Variants in SLC25A12 observed in about 807,000 individuals in gnomAD.
SLC25A12 encodes the protein solute carrier family 25 member 12, also known as electrogenic aspartate/glutamate antiporter SLC25A12, mitochondrial.
Under a neutral mutation model 83.3 loss-of-function variants are expected in SLC25A12, and 32 were observed. The observed-to-expected ratio is 0.38, with a 90% CI of 0.29 to 0.52. SLC25A12 has a LOEUF of 0.52. Among genes scored for constraint, SLC25A12 ranks in the 20% least tolerant of loss-of-function variants. The pLI, the probability that SLC25A12 is intolerant of heterozygous loss-of-function variation, is 0.84. For synonymous variants in SLC25A12, 267 were observed against 291.1 expected (o/e 0.92, Z 0.84); for missense variants, 611 against 835.6 (o/e 0.73, Z 3.31).
At chr2:171,790,606 C>A (rs1683432882) in intron 15 of SLC25A12, among the ~76,000 whole-genome samples, 1 of 152,158 alleles carries the variant, frequency 6.6e-6, no homozygotes, top group South Asian at 2.1e-4. Flanking sequence ...TTACACTGGC[C>A]ACGTAGGAAA....
intron 5 of SLC25A12, 86 bp from the exon 6 acceptor site, chr2:171,837,353 T>G: frequency 7.3e-7 from 1 of 1,364,728 alleles, no homozygotes; most frequent in Non-Finnish European, 1.0e-6. Context: ...ACAGATATCC[T>G]TCCCACACAT....
chr2:171,826,544 G>C (rs1053401094), intron 9 of SLC25A12, among the ~76,000 whole-genome samples: 3 of 152,158 alleles, frequency 2.0e-5, no homozygotes, highest in African/African-American at 7.2e-5. Flanking sequence ...AGAAGGCAGA[G>C]GTTGCAGTAA....
At chr2:171,883,862 TTTTTG>T (rs1351074268) in intron 2 of SLC25A12, among the ~76,000 whole-genome samples, 6 of 152,104 alleles carry the variant, frequency 3.9e-5, no homozygotes, top group South Asian at 4.2e-4. Flanking sequence ...TTTGTTTTGT[TTTTTG>T]TTTTGTTTTA....
At chr2:171,832,746 T>C (rs1380680330) in intron 8 of SLC25A12, among the ~76,000 whole-genome samples, 2 of 152,234 alleles carry the variant, frequency 1.3e-5, no homozygotes, top group African/African-American at 4.8e-5. Flanking sequence ...TGGAAGACAC[T>C]GCCCAAAGTA....
At chr2:171,855,559 C>G (rs779019782) in intron 4 of SLC25A12, among the ~76,000 whole-genome samples, 1 of 146,360 alleles carries the variant, frequency 6.8e-6, no homozygotes, top group Non-Finnish European at 1.5e-5. Flanking sequence ...CAGGCTGGCC[C>G]AGAACAAGAA....
chr2:171,789,463 C>T lies in SLC25A12; in HGVS notation c.1586-1516G>A, dbSNP rs572081946. On this transcript the variant is annotated intron_variant, in intron 15 of 17. Coordinates refer to ENST00000422440, the MANE Select transcript of SLC25A12 (RefSeq NM_003705.5). The stretch of plus-strand genomic sequence containing the variant: ...CAGGATGGTCTCGATCTCCTGACCT[C>T]GTGATCTGCCCGCCTTGGCCTCCCA... 8.5e-5 allele frequency among the ~76,000 whole-genome samples: 13 copies of T among 152,192 alleles called. No homozygotes were observed. The East Asian group carries it at 1.4e-3, about 16-fold the overall frequency.
In SLC25A12 at chr2:171,815,204, T is replaced by C; in HGVS notation, c.931-2A>G. ...AGGCCTGCCTAACCCAGGAGACTGC[T>C]GCAGAGAAGAAAACGGGTAAAAAAA... On this transcript the variant is annotated splice_acceptor_variant, in intron 9 of 17. Transcript: ENST00000422440. LOFTEE classifies it high-confidence loss of function. 1 of 1,611,414 alleles carries C rather than the reference T, an allele frequency of 6.2e-7. No individual in the cohort carries two copies. Among genetic ancestry groups the C allele is most frequent in the Non-Finnish European group, 8.5e-7 (1 of 1,177,778 alleles).
In SLC25A12 at chr2:171,874,660, G is replaced by A. The variant is rs573498864; in HGVS notation, c.67-5837C>T. On this transcript the variant is annotated intron_variant, in intron 2 of 17. Transcript: ENST00000422440. ...AAAAACACAAACACACAATACAAGC[G>A]TTCTGTATGGCATCTACTTCATAGA... Among the ~76,000 whole-genome samples, 6 of 152,186 alleles carry A rather than the reference G, an allele frequency of 3.9e-5. No homozygotes were observed. The East Asian group carries it at 9.6e-4, about 24-fold the overall frequency.
chr2:171,787,436 T>G, intron 17 of SLC25A12, 135 bp downstream of exon 17: 1 of 796,210 alleles, frequency 1.3e-6, no homozygotes, highest in Non-Finnish European at 2.3e-6. Flanking sequence ...TTAAGCTCAC[T>G]GTTTTAAATG....
chr2:171,884,336 G>GC (rs1685765982), intron 2 of SLC25A12, among the ~76,000 whole-genome samples: 1 of 150,184 alleles, frequency 6.7e-6, no homozygotes, highest in Non-Finnish European at 1.5e-5. Flanking sequence ...GATTACAGGC[G>GC]CCCGCCACCA....
chr2:171,824,884 A>G (rs906302531), intron 9 of SLC25A12, among the ~76,000 whole-genome samples: 2 of 151,974 alleles, frequency 1.3e-5, no homozygotes, highest in Non-Finnish European at 2.9e-5. Context: ...GCTCACTGCA[A>G]CCTCAACTTC....
chr2:171,785,096 GT>G lies in SLC25A12; in HGVS notation c.*177del. 4.7e-6 allele frequency: 3 copies of G among 639,648 alleles called. No homozygotes were observed. The highest frequency in any genetic ancestry group is 1.8e-5 in the African/African-American group (1 of 55,102). 39.6% of individuals were successfully genotyped at this position (639,648 alleles called of 1,614,324 possible). ...GACTAAAGCTTGAAACAGCGTTGTG[GT>G]TTTTTCCCTGGGCAAATGATTATTT... On this transcript the variant is annotated 3_prime_UTR_variant, in exon 18 of 18. Coordinates refer to ENST00000422440, the MANE Select transcript of SLC25A12 (RefSeq NM_003705.5).
At chr2:171,810,312 G>A (rs1051263910) in intron 11 of SLC25A12, 36 bp from the exon 12 acceptor site, 1 of 1,535,708 alleles carries the variant, frequency 6.5e-7, no homozygotes, top group East Asian at 2.2e-5. Flanking sequence ...CAATATAGCT[G>A]TACCAGACAT....
At chr2:171,794,526 G>C (rs1247378233) in intron 13 of SLC25A12, among the ~76,000 whole-genome samples, 1 of 151,650 alleles carries the variant, frequency 6.6e-6, no homozygotes, top group South Asian at 2.1e-4. Flanking sequence ...CCTGTGGTGA[G>C]TGACAGAGAT....
intron 8 of SLC25A12, among the ~76,000 whole-genome samples, chr2:171,828,991 G>A (rs896923120): frequency 6.6e-6 from 1 of 152,218 alleles, no homozygotes; most frequent in Non-Finnish European, 1.5e-5. Context: ...TTTCCAGGGG[G>A]ATGCCCCAGG....
At chr2:171,792,558 C>A (rs985613743) in intron 14 of SLC25A12, among the ~76,000 whole-genome samples, 1 of 151,008 alleles carries the variant, frequency 6.6e-6, no homozygotes, top group Non-Finnish European at 1.5e-5. Context: ...CTTGGCCTCC[C>A]AAAGTGCTGA....
intron 13 of SLC25A12, among the ~76,000 whole-genome samples, chr2:171,798,096 A>G (rs1468261833): frequency 1.3e-5 from 2 of 152,246 alleles, no homozygotes; most frequent in African/African-American, 4.8e-5. Flanking sequence ...AGATACATAA[A>G]AGAGAACAAA....
chr2:171,799,239 G>A (rs951781520), intron 13 of SLC25A12, among the ~76,000 whole-genome samples: 4 of 152,160 alleles, frequency 2.6e-5, no homozygotes, highest in Non-Finnish European at 1.5e-5. Context: ...TTTAATAGCA[G>A]CCAAAATGAA....
intron 10 of SLC25A12, 45 bp downstream of exon 10, chr2:171,815,076 T>C (rs148329914): frequency 6.8e-7 from 1 of 1,477,146 alleles, no homozygotes; most frequent in African/African-American, 1.4e-5. Context: ...TGAGATAATA[T>C]TACATTAACA....
Sources: gnomAD v4.1 joint callset for allele counts (sites outside exome capture counted in the v4.1 genomes callset) on GRCh38, gnomAD v4.1.1 for gene constraint, MANE v1.5 for transcripts, NCBI Gene and HGNC (gene_info 2026-07-23, HGNC 2026-07-21) for gene names.